Variants in KMT2C observed in about 807,000 individuals in gnomAD.
KMT2C encodes lysine methyltransferase 2C.
Under a neutral mutation model 507.9 loss-of-function variants are expected in KMT2C, and 88 were observed. The observed-to-expected ratio is 0.17, with a 90% CI of 0.15 to 0.21. The LOEUF is 0.21. Ranked by LOEUF, KMT2C falls within the 10% of genes least tolerant of loss-of-function variation. The pLI, the probability that KMT2C is intolerant of heterozygous loss-of-function variation, is 1.00. For missense variants in KMT2C, 4,954 were observed against 5,957.8 expected (o/e 0.83, Z 5.55); for synonymous variants, 2,049 against 2,080.8 (o/e 0.98, Z 0.42).
chr7:152,154,481 A>T (rs1447077177), intron 46 of KMT2C, 36 bp from the exon 47 acceptor site: 1 of 1,592,530 alleles, frequency 6.3e-7, no homozygotes, highest in Non-Finnish European at 8.5e-7. Flanking sequence ...AAAGTCTGCA[A>T]ATCCACCACT....
At chr7:152,387,428 C>CA (rs1205920952) in intron 1 of KMT2C, among the ~76,000 whole-genome samples, 422 of 116,004 alleles carry the variant, frequency 3.6e-3, no homozygotes, top group East Asian at 0.02. Flanking sequence ...ACTAGTATGC[C>CA]AAAAAAAAAA....
At chr7:152,362,667 C>CT (rs765211226) in intron 1 of KMT2C, among the ~76,000 whole-genome samples, 1 of 152,070 alleles carries the variant, frequency 6.6e-6, no homozygotes. Flanking sequence ...TTTTGCTCTA[C>CT]TTTGAGTTTT....
At chr7:152,381,363 G>T (rs2097372330) in intron 1 of KMT2C, among the ~76,000 whole-genome samples, 1 of 151,828 alleles carries the variant, frequency 6.6e-6, no homozygotes. Context: ...CAGGGAGGGG[G>T]GGAGGGGTGC....
intron 15 of KMT2C, among the ~76,000 whole-genome samples, chr7:152,236,248 A>G (rs148887101): frequency 0.15 from 23,170 of 151,770 alleles, 320 homozygotes; most frequent in Middle Eastern, 0.25. Flanking sequence ...CCTGATCCAG[A>G]TATTTCGAAG....
At chr7:152,338,757 C>T (rs1380036289) in intron 2 of KMT2C, among the ~76,000 whole-genome samples, 1 of 152,156 alleles carries the variant, frequency 6.6e-6, no homozygotes, top group East Asian at 1.9e-4. Flanking sequence ...TTCACTACTT[C>T]CACCGCCTGG....
intron 9 of KMT2C, among the ~76,000 whole-genome samples, chr7:152,259,443 C>CGT (rs1491100673): frequency 4.2e-5 from 4 of 94,144 alleles, no homozygotes; most frequent in Non-Finnish European, 7.8e-5. Context: ...GACACACACA[C>CGT]GCGCACACAC....
intron 33 of KMT2C, 114 bp downstream of exon 33, chr7:152,187,148 G>C: frequency 4.0e-6 from 3 of 745,740 alleles, no homozygotes; most frequent in Non-Finnish European, 6.8e-6. Flanking sequence ...TTCATGTTGT[G>C]GGTCATCATA....
chr7:152,170,194 A>T (rs1234339278), intron 40 of KMT2C, among the ~76,000 whole-genome samples: 3 of 152,174 alleles, frequency 2.0e-5, no homozygotes, highest in Non-Finnish European at 4.4e-5. Flanking sequence ...TAATTTCTTT[A>T]AAAAAACTCA....
chr7:152,217,434 T>G (rs2094612707), intron 23 of KMT2C, among the ~76,000 whole-genome samples: 1 of 152,202 alleles, frequency 6.6e-6, no homozygotes, highest in South Asian at 2.1e-4. Context: ...CCAAGTAACA[T>G]GCACTTATTT....
At chr7:152,253,355 GGAGT>G (rs2095592287) in intron 9 of KMT2C, among the ~76,000 whole-genome samples, 4 of 151,664 alleles carry the variant, frequency 2.6e-5, no homozygotes, top group Admixed American at 2.6e-4. Context: ...TAATTTTTGT[GGAGT>G]AAGTCTGCTC....
chr7:152,205,228 A>G lies in KMT2C; in HGVS notation c.3842-3T>C. ...CCGCACCATAAATCCACCAATACCTATCCAAAAAAGAAATTAGGTAAACTG... is the reference window on the plus strand; with the variant it reads ...CCGCACCATAAATCCACCAATACCTGTCCAAAAAAGAAATTAGGTAAACTG... On this transcript the variant is annotated splice_polypyrimidine_tract_variant and splice_region_variant and intron_variant, in intron 24 of 58. Transcript: ENST00000262189. 6.2e-7 allele frequency: 1 copy of G among 1,610,298 alleles called. No homozygotes were observed. Among genetic ancestry groups the G allele is most frequent in the Non-Finnish European group, 8.5e-7 (1 of 1,178,496 alleles).
At chr7:152,151,231 T>C (rs748868393) in intron 50 of KMT2C, among the ~76,000 whole-genome samples, 10 of 152,204 alleles carry the variant, frequency 6.6e-5, no homozygotes, top group South Asian at 2.1e-4. Context: ...TATTTAAAAA[T>C]ACGTAGTCCT....
intron 3 of KMT2C, among the ~76,000 whole-genome samples, chr7:152,317,567 G>GAT (rs1258486672): frequency 2.6e-5 from 4 of 152,236 alleles, no homozygotes; most frequent in Non-Finnish European, 5.9e-5. Context: ...CCAGCAGGGT[G>GAT]ATAAGAACTC....
In KMT2C at chr7:152,162,772, C is replaced by T; in HGVS notation, c.10805G>A (p.Gly3602Glu). The T allele has an allele frequency of 6.2e-7, 1 of 1,614,090 alleles. No individual in the cohort carries two copies. The highest frequency in any genetic ancestry group is 8.5e-7 in the Non-Finnish European group (1 of 1,180,014). Residue 3602 changes from glycine to glutamate, a missense_variant, in exon 43 of 59, where the codon GGG becomes GAG. Coordinates refer to ENST00000262189, the MANE Select transcript of KMT2C (RefSeq NM_170606.3). ...LYSDIIPEEKGKKKRTRKKKR... is the reference protein window; with the variant it reads ...LYSDIIPEEKEKKKRTRKKKR... ...CTTCTTTCTTGTTCTTTTCTTTTTC[C>T]CTTTTTCCTCTGGGATTATATCAGA...
At chr7:152,430,537 T>C (rs1319756565) in intron 1 of KMT2C, among the ~76,000 whole-genome samples, 1 of 152,206 alleles carries the variant, frequency 6.6e-6, no homozygotes, top group Non-Finnish European at 1.5e-5. Flanking sequence ...GACCATCTAA[T>C]GTTCCTATTT....
rs62495468 is a variant in KMT2C, at chr7:152,305,062, T to C, written c.849+4904A>G. ...ACCTCCAGTAACACTTTTGGGTACT[T>C]AGAACTTATTTGCTGCCTATGAATG... On this transcript the variant is annotated intron_variant, in intron 6 of 58. Transcript: ENST00000262189. Among the ~76,000 whole-genome samples the C allele has an allele frequency of 8.7e-3, 1,325 of 152,286 alleles. 9 individuals are homozygous for C. Among genetic ancestry groups the C allele is most frequent in the Non-Finnish European group, 0.014 (940 of 68,014 alleles).
chr7:152,169,340 G>A, intron 40 of KMT2C, 91 bp from the exon 41 acceptor site: 4 of 726,604 alleles, frequency 5.5e-6, no homozygotes, highest in Admixed American at 2.5e-5. Flanking sequence ...AAAAAGAAAT[G>A]GAAGAAAAAA....
chr7:152,203,199 A>C, intron 25 of KMT2C, 135 bp from the exon 26 acceptor site: 1 of 606,206 alleles, frequency 1.6e-6, no homozygotes, highest in Non-Finnish European at 2.6e-6. Flanking sequence ...AAAAAATCTC[A>C]AATCAAGTTT....
chr7:152,139,072 TGTTTAGTC>T, intron 57 of KMT2C, 106 bp downstream of exon 57: 1 of 1,081,316 alleles, frequency 9.2e-7, no homozygotes, highest in Admixed American at 1.9e-5. Context: ...TTGCTCTGAA[TGTTTAGTC>T]ACCGCCAGGC....
Sources: gnomAD v4.1 joint callset for allele counts (sites outside exome capture counted in the v4.1 genomes callset) on GRCh38, gnomAD v4.1.1 for gene constraint, MANE v1.5 for transcripts, NCBI Gene and HGNC (gene_info 2026-07-23, HGNC 2026-07-21) for gene names.